The following CCKBR variants were observed in gnomAD, a reference collection of about 807,000 sequenced individuals.
CCKBR encodes gastrin/cholecystokinin type B receptor.
In CCKBR, 33 loss-of-function variants were observed where a neutral mutation model predicts 34.6. That is an observed-to-expected ratio of 0.95 (90% CI 0.72 to 1.27). The LOEUF (loss-of-function observed/expected upper bound fraction) is 1.27, where lower values mean the gene tolerates loss of function less well. Ranked by LOEUF, CCKBR falls within the 50% of genes most tolerant of loss-of-function variation. The probability of loss-of-function intolerance (pLI) is 0.00; values close to 1 mark genes in which losing one functional copy is unlikely to be tolerated. For missense variants in CCKBR, 652 were observed against 617.4 expected, an observed-to-expected ratio of 1.06 and a Z score of -0.59; for synonymous variants, 269 against 267.5, an observed-to-expected ratio of 1.01 and a Z score of -0.06.
intron 1 of CCKBR, among the ~76,000 whole-genome samples, chr11:6,268,465 C>T (rs1848241234): frequency 6.6e-6 from 1 of 152,142 alleles, no homozygotes; most frequent in Non-Finnish European, 1.5e-5. Context: ...AAGATTAATC[C>T]ATCTTTTAAT....
At chr11:6,263,290 T>C (rs1800231613) in intron 1 of CCKBR, among the ~76,000 whole-genome samples, 1 of 152,194 alleles carries the variant, frequency 6.6e-6, no homozygotes, top group Admixed American at 6.5e-5. Flanking sequence ...CTCACTTTCA[T>C]TTTATTATTA....
intron 1 of CCKBR, among the ~76,000 whole-genome samples, chr11:6,261,462 T>TAAATATATACAC (rs764173521): frequency 1.6e-5 from 1 of 64,016 alleles, no homozygotes; most frequent in African/African-American, 6.0e-5. Context: ...AAAATATATA[T>TAAATATATACAC]ACACACACAC....
chr11:6,261,462 T>TATATATATATACACACACACACACACAC (rs764173521), intron 1 of CCKBR, among the ~76,000 whole-genome samples: 15 of 63,996 alleles, frequency 2.3e-4, no homozygotes, highest in African/African-American at 8.4e-4. Context: ...AAAATATATA[T>TATATATATATACACACACACACACACAC]ACACACACAC....
intron 1 of CCKBR, among the ~76,000 whole-genome samples, chr11:6,268,549 C>T (rs1848242379): frequency 6.6e-6 from 1 of 152,210 alleles, no homozygotes. Context: ...CTATGAGCTC[C>T]AACAGCACCT....
At chr11:6,262,228 T>C (rs1848144992) in intron 1 of CCKBR, among the ~76,000 whole-genome samples, 1 of 152,090 alleles carries the variant, frequency 6.6e-6, no homozygotes, top group African/African-American at 2.4e-5. Context: ...GAGGTGGAAA[T>C]ACAGACTTGA....
chr11:6,270,559 G>T (rs958577375), intron 3 of CCKBR, 87 bp from the exon 4 acceptor site: 1 of 1,472,012 alleles, frequency 6.8e-7, no homozygotes, highest in African/African-American at 1.4e-5. Flanking sequence ...CCTGGCCACA[G>T]CCCTAGAAAC....
chr11:6,261,462 T>TATATATAAACACAC (rs764173521), intron 1 of CCKBR, among the ~76,000 whole-genome samples: 1 of 64,006 alleles, frequency 1.6e-5, no homozygotes, highest in African/African-American at 6.0e-5. Context: ...AAAATATATA[T>TATATATAAACACAC]ACACACACAC....
In CCKBR at chr11:6,260,042, C is replaced by T; in HGVS notation, c.114C>T (p.Ser38=). 1 of 1,596,724 alleles carries T rather than the reference C, an allele frequency of 6.3e-7. No homozygotes were observed. Among genetic ancestry groups the T allele is most frequent in the Non-Finnish European group, 8.5e-7 (1 of 1,173,484 alleles). Residue 38 remains serine (S), a synonymous_variant, in exon 1 of 5, where the codon AGC becomes AGT. Transcript: ENST00000334619. The part of the protein sequence containing the change: ...LLNSSSVGNL[S]CEPPRIRGAG... The stretch of plus-strand genomic sequence containing the variant: ...ACAGCAGCAGTGTGGGCAACCTCAG[C>T]TGCGAGCCCCCTCGCATTCGCGGAG...
chr11:6,260,228 T>G, intron 1 of CCKBR, 149 bp downstream of exon 1: 1 of 550,250 alleles, frequency 1.8e-6, no homozygotes, highest in Non-Finnish European at 3.1e-6. Flanking sequence ...ACAGCTCCCC[T>G]CACACCTTCA....
chr11:6,264,667 T>G (rs1351860181), intron 1 of CCKBR: 4 of 611,728 alleles, frequency 6.5e-6, no homozygotes, highest in Non-Finnish European at 1.2e-5. Context: ...CATGCCTGTT[T>G]CCTAGTCACT....
chr11:6,268,240 G>T (rs1848238182), intron 1 of CCKBR, among the ~76,000 whole-genome samples: 1 of 152,258 alleles, frequency 6.6e-6, no homozygotes, highest in Admixed American at 6.5e-5. Context: ...CAATTTGGGA[G>T]CTAAAATGAG....
rs903478207 is a variant in CCKBR, at chr11:6,260,149, C to G, written c.151+70C>G. The G allele has an allele frequency of 1.5e-5, 18 of 1,166,050 alleles. No individual in the cohort carries two copies. In the African/African-American group the frequency reaches 2.4e-4, roughly 16 times the overall value. 72.2% of individuals were successfully genotyped at this position (1,166,050 alleles called of 1,614,324 possible). A position where few individuals can be genotyped will look rare whatever the true frequency, so the allele number is the denominator to read the frequency against. On this transcript the variant is annotated intron_variant, in intron 1 of 4. Coordinates refer to ENST00000334619, the MANE Select transcript of CCKBR (RefSeq NM_176875.4). ...ACCCCAGAACACTAATAGAGTCCCCCCAACGAGCTCCACACTACCTTCTCA... is the reference window on the plus strand; with the variant it reads ...ACCCCAGAACACTAATAGAGTCCCCGCAACGAGCTCCACACTACCTTCTCA...
rs777207956 is a variant in CCKBR, at chr11:6,271,147, C to A, written c.948C>A (p.Ser316=). 1.2e-6 allele frequency: 2 copies of A among 1,613,972 alleles called. No individual in the cohort carries two copies. Among genetic ancestry groups the A allele is most frequent in the South Asian group, 1.1e-5 (1 of 91,072 alleles). The change falls in exon 5 of 5, where the codon TCC becomes TCA. Residue 316 remains serine, a synonymous_variant. Coordinates refer to ENST00000334619, the MANE Select transcript of CCKBR (RefSeq NM_176875.4). ...CGCTGACGGCTCCTGGGCCGGGATC[C>A]GGCTCCCGGCCCACCCAGGCCAAGC... ...LTALTAPGPG[S]GSRPTQAKLL...
chr11:6,263,400 C>T (rs781044569), intron 1 of CCKBR, among the ~76,000 whole-genome samples: 25 of 152,022 alleles, frequency 1.6e-4, no homozygotes, highest in Admixed American at 4.6e-4. Context: ...TCAGATAATA[C>T]CCACAAAAGC....
In CCKBR at chr11:6,271,662, C is replaced by G. The variant is rs199959078; in HGVS notation, c.*119C>G. On this transcript the variant is annotated 3_prime_UTR_variant, in exon 5 of 5. Coordinates refer to ENST00000334619, the MANE Select transcript of CCKBR (RefSeq NM_176875.4). ...CCAACACCCAAAGCATGGACTAACCCCAACGCACAGGAAAAGGTAGCTTAC... is the reference window on the plus strand; with the variant it reads ...CCAACACCCAAAGCATGGACTAACCGCAACGCACAGGAAAAGGTAGCTTAC... The G allele has an allele frequency of 5.0e-6, 5 of 999,362 alleles. No homozygotes were observed. The highest frequency in any genetic ancestry group is 7.2e-6 in the Non-Finnish European group (5 of 698,858). 61.9% of individuals were successfully genotyped at this position (999,362 alleles called of 1,614,324 possible).
Position 6,271,467 on chromosome 11 carries a change from A to G in CCKBR, c.1268A>G (p.Glu423Gly). ...GCTCGCCCCAGGGCTCTTCCCGATG[A>G]GGACCCTCCCACTCCCTCCATTGCT... ...PRARPRALPDEDPPTPSIASL... is the reference protein window; with the variant it reads ...PRARPRALPDGDPPTPSIASL... The change falls in exon 5 of 5, where the codon GAG (glutamate) becomes GGG (glycine). Residue 423 changes from glutamate (E) to glycine (G), a missense_variant. Coordinates refer to ENST00000334619, the MANE Select transcript of CCKBR (RefSeq NM_176875.4). The G allele has an allele frequency of 6.2e-7, 1 of 1,613,044 alleles. No individual in the cohort carries two copies. Among genetic ancestry groups the G allele is most frequent in the East Asian group, 2.2e-5 (1 of 44,872 alleles).
chr11:6,268,331 C>T (rs1013975197), intron 1 of CCKBR, among the ~76,000 whole-genome samples: 5 of 152,154 alleles, frequency 3.3e-5, no homozygotes, highest in African/African-American at 1.2e-4. Flanking sequence ...AGGCTCTGTC[C>T]CCTGCCCTCT....
At chr11:6,270,896 A>G (rs764548919) in intron 4 of CCKBR, 93 bp downstream of exon 4, 2 of 1,610,862 alleles carry the variant, frequency 1.2e-6, no homozygotes, top group Admixed American at 1.7e-5. Context: ...AATGAAGGTG[A>G]GGGTGAGAAG....
rs892037985 is a variant in CCKBR at position 6,259,898 on chromosome 11, G to C, written c.-31G>C. On this transcript the variant is annotated 5_prime_UTR_variant, in exon 1 of 5. Coordinates refer to ENST00000334619, the MANE Select transcript of CCKBR (RefSeq NM_176875.4). ...CCGCGTTGGGAGCCCGCCGGGTCGA[G>C]CTGAGTAAGGCGGCGGGCTCGGCGG... 5 of 1,406,910 alleles carry C rather than the reference G, an allele frequency of 3.6e-6. No individual in the cohort carries two copies. Among genetic ancestry groups the C allele is most frequent in the East Asian group, 3.1e-5 (1 of 32,456 alleles). The allele number at this position is 1,406,910 out of a possible 1,614,324, so 87.2% of individuals were successfully genotyped here.
Sources: allele counts gnomAD v4.1 joint callset (sites outside exome capture counted in the v4.1 genomes callset), GRCh38; gene constraint gnomAD v4.1.1; transcripts MANE v1.5; gene names NCBI Gene and HGNC (gene_info 2026-07-23, HGNC 2026-07-21).